The following NXPE2 variants were observed in gnomAD, a reference collection of about 807,000 sequenced individuals.
NXPE2 encodes neurexophilin and PC-esterase domain family member 2.
Under a neutral mutation model 34.4 loss-of-function variants are expected in NXPE2, and 34 were observed. The observed-to-expected ratio is 0.99, with a 90% CI of 0.75 to 1.31. NXPE2 has a LOEUF of 1.31. NXPE2 is among the 40% of genes most tolerant of loss of function. NXPE2 has a pLI of 0.00. For synonymous variants in NXPE2, 235 were observed against 231.3 expected (o/e 1.02, Z -0.15); for missense variants, 649 against 672.5 (o/e 0.97, Z 0.39).
chr11:114,620,608 C>T, the NXPE2 span, among the ~76,000 whole-genome samples: 111 of 151,864 alleles, frequency 7.3e-4, no homozygotes, highest in Non-Finnish European at 1.1e-3. Context: ...ACCACTGTTA[C>T]GCGGTGGATA....
At chr11:114,586,205 A>G in the NXPE2 span, among the ~76,000 whole-genome samples, 1 of 152,172 alleles carries the variant, frequency 6.6e-6, no homozygotes, top group African/African-American at 2.4e-5. Context: ...TCTCTACAGA[A>G]GAGAGCTTTT....
At chr11:114,800,938 AAGTTC>A in the NXPE2 span, among the ~76,000 whole-genome samples, 1 of 152,220 alleles carries the variant, frequency 6.6e-6, no homozygotes, top group Non-Finnish European at 1.5e-5. Context: ...ATAATCTATT[AAGTTC>A]TAAACTATGA....
chr11:114,486,939 A>G, the NXPE2 span, among the ~76,000 whole-genome samples: 1 of 151,984 alleles, frequency 6.6e-6, no homozygotes, highest in Non-Finnish European at 1.5e-5. Context: ...TGATTTCTCC[A>G]GTTCTGTTCT....
upstream of NXPE2, chr11:114,678,382 T>A: frequency 2.1e-6 from 1 of 478,966 alleles, no homozygotes; most frequent in Non-Finnish European, 3.8e-6. Context: ...TCTGGCTCTG[T>A]GGTGTGGGTT....
chr11:114,472,202 G>C, the NXPE2 span, among the ~76,000 whole-genome samples: 1 of 152,198 alleles, frequency 6.6e-6, no homozygotes, highest in Non-Finnish European at 1.5e-5. Flanking sequence ...TGGAAGACAG[G>C]ATACATGAAA....
chr11:114,788,637 C>T, the NXPE2 span, among the ~76,000 whole-genome samples: 8 of 152,212 alleles, frequency 5.3e-5, no homozygotes, highest in Non-Finnish European at 1.2e-4. Context: ...TGCTGCCTCT[C>T]GTGTCCCTCT....
the NXPE2 span, among the ~76,000 whole-genome samples, chr11:114,603,642 C>G: frequency 1.3e-5 from 2 of 151,434 alleles, no homozygotes; most frequent in Non-Finnish European, 2.9e-5. Context: ...CTCCTATTAC[C>G]TGGTGGATGG....
At chr11:114,491,138 C>T in the NXPE2 span, among the ~76,000 whole-genome samples, 8 of 117,958 alleles carry the variant, frequency 6.8e-5, no homozygotes, top group East Asian at 5.4e-4. Flanking sequence ...GTCCGCAGTC[C>T]GGCCTGGGCG....
At chr11:114,539,626 T>C in the NXPE2 span, among the ~76,000 whole-genome samples, 1 of 152,180 alleles carries the variant, frequency 6.6e-6, no homozygotes, top group African/African-American at 2.4e-5. Flanking sequence ...TCTAATTAAA[T>C]TCTTAAGATG....
chr11:114,634,591 T>C, the NXPE2 span, among the ~76,000 whole-genome samples: 3 of 152,048 alleles, frequency 2.0e-5, no homozygotes, highest in Non-Finnish European at 4.4e-5. Flanking sequence ...GTTTTTATGG[T>C]TTTAGGTCTA....
chr11:114,626,607 C>G, the NXPE2 span, among the ~76,000 whole-genome samples: 6 of 152,160 alleles, frequency 3.9e-5, no homozygotes, highest in African/African-American at 1.2e-4. Flanking sequence ...CTCTAAAAAG[C>G]AGAGCGCCTC....
At chr11:114,729,798 G>A in the NXPE2 span, among the ~76,000 whole-genome samples, 1 of 152,030 alleles carries the variant, frequency 6.6e-6, no homozygotes. Flanking sequence ...ACAGATTCTC[G>A]ATATTGGGCC....
the NXPE2 span, among the ~76,000 whole-genome samples, chr11:114,561,920 A>G: frequency 6.6e-6 from 1 of 152,038 alleles, no homozygotes; most frequent in East Asian, 1.9e-4. Context: ...TATTGTTTTC[A>G]TTTTGAACTT....
the NXPE2 span, among the ~76,000 whole-genome samples, chr11:114,556,833 C>G: frequency 1.3e-5 from 2 of 151,360 alleles, no homozygotes; most frequent in African/African-American, 4.9e-5. Flanking sequence ...GTAATTTTAT[C>G]TTACTATTTG....
the NXPE2 span, among the ~76,000 whole-genome samples, chr11:114,483,706 T>G: frequency 2.0e-5 from 3 of 152,218 alleles, no homozygotes; most frequent in Non-Finnish European, 2.9e-5. Context: ...TTTAAGCGGG[T>G]ATCTTTCAGA....
At chr11:114,476,284 A>G in the NXPE2 span, among the ~76,000 whole-genome samples, 2 of 152,102 alleles carry the variant, frequency 1.3e-5, no homozygotes, top group South Asian at 2.1e-4. Context: ...AGTTGTATAC[A>G]TATCTCTCTA....
At chr11:114,622,679 G>T in the NXPE2 span, among the ~76,000 whole-genome samples, 13,870 of 151,112 alleles carry the variant, frequency 0.092, 742 homozygotes, top group Middle Eastern at 0.21. Context: ...GATAATAAAT[G>T]TTGCCTAGTG....
At chr11:114,678,707 G>A (rs1391772020) in intron 1 of NXPE2, 106 bp downstream of exon 1, 5 of 797,526 alleles carry the variant, frequency 6.3e-6, no homozygotes, top group Non-Finnish European at 2.0e-6. Flanking sequence ...CCCTTTAGAG[G>A]ATAGTAAAAT....
At chr11:114,797,946 G>C in the NXPE2 span, among the ~76,000 whole-genome samples, 1 of 152,122 alleles carries the variant, frequency 6.6e-6, no homozygotes, top group East Asian at 1.9e-4. Flanking sequence ...TTTGATGTCT[G>C]AAACAGCCAA....
Sources: gnomAD v4.1 joint callset for allele counts (sites outside exome capture counted in the v4.1 genomes callset) on GRCh38, gnomAD v4.1.1 for gene constraint, MANE v1.5 for transcripts, NCBI Gene and HGNC (gene_info 2026-07-23, HGNC 2026-07-21) for gene names.